PRDM5: variants seen among roughly 807,000 people sequenced by gnomAD.
The protein encoded by PRDM5 is PR/SET domain 5.
Under a neutral mutation model 81.2 loss-of-function variants are expected in PRDM5, and 56 were observed. That is an observed-to-expected ratio of 0.69 (90% CI 0.56 to 0.86). The LOEUF (loss-of-function observed/expected upper bound fraction) is 0.86. Among genes scored for constraint, PRDM5 ranks in the 40% least tolerant of loss-of-function variants. PRDM5 has a pLI of 0.00. For synonymous variants in PRDM5, 267 were observed against 256.4 expected (o/e 1.04, Z -0.39); for missense variants, 697 against 770.1 (o/e 0.91, Z 1.12).
chr4:120,921,720 T>G lies in PRDM5; in HGVS notation c.93+796A>C, dbSNP rs182211344. 3.2e-4 allele frequency among the ~76,000 whole-genome samples: 49 copies of G among 152,310 alleles called. No homozygotes were observed. In the East Asian group the frequency reaches 9.1e-3, roughly 28 times the overall value. On this transcript the variant is annotated intron_variant, in intron 1 of 15. Coordinates refer to ENST00000264808, the MANE Select transcript of PRDM5 (RefSeq NM_018699.4). ...AAGATCAAATCCAAAGAGCTGGACT[T>G]TTCCTGTGGCCTCTCTTCCTAGGCC...
chr4:120,909,714 G>T (rs1579210708), intron 1 of PRDM5, among the ~76,000 whole-genome samples: 2 of 150,710 alleles, frequency 1.3e-5, no homozygotes, highest in Non-Finnish European at 3.0e-5. Flanking sequence ...GGATCGGGGG[G>T]TGGGGGGTGC....
intron 8 of PRDM5, among the ~76,000 whole-genome samples, chr4:120,805,857 T>C (rs1752836261): frequency 6.6e-6 from 1 of 152,036 alleles, no homozygotes; most frequent in South Asian, 2.1e-4. Context: ...GCCAGGGCAA[T>C]CAGGCAGGAG....
At chr4:120,806,581 A>C (rs1752999675) in intron 8 of PRDM5, among the ~76,000 whole-genome samples, 1 of 152,236 alleles carries the variant, frequency 6.6e-6, no homozygotes, top group African/African-American at 2.4e-5. Flanking sequence ...CAAACCTGAC[A>C]AAGACAAGAA....
downstream of PRDM5, among the ~76,000 whole-genome samples, chr4:120,690,346 G>A (rs1733992456): frequency 6.6e-6 from 1 of 152,048 alleles, no homozygotes; most frequent in African/African-American, 2.4e-5. Context: ...TTCTCTTTGA[G>A]AAGGGCCTCC....
chr4:120,838,269 G>GA, intron 3 of PRDM5: 1 of 151,944 alleles, frequency 6.6e-6, no homozygotes, highest in South Asian at 2.1e-4. Context: ...TTTTTTTGGG[G>GA]AATAAGATAA....
chr4:120,789,376 G>A (rs1235393752), intron 10 of PRDM5, among the ~76,000 whole-genome samples: 1 of 152,048 alleles, frequency 6.6e-6, no homozygotes, highest in East Asian at 1.9e-4. Flanking sequence ...TGAAATTAAG[G>A]ACCATTTACA....
At chr4:120,831,040 A>T (rs1033511401) in intron 3 of PRDM5, among the ~76,000 whole-genome samples, 8 of 152,026 alleles carry the variant, frequency 5.3e-5, no homozygotes, top group African/African-American at 1.9e-4. Flanking sequence ...TTTTCTTGTG[A>T]TGTGAGCTTG....
chr4:120,762,932 ACTTTT>A (rs1745842669), intron 13 of PRDM5, among the ~76,000 whole-genome samples: 3 of 152,206 alleles, frequency 2.0e-5, no homozygotes, highest in Non-Finnish European at 4.4e-5. Flanking sequence ...GAGATCCTCT[ACTTTT>A]AAAAGCTTAA....
chr4:120,835,661 G>A (rs1458245748), intron 3 of PRDM5, among the ~76,000 whole-genome samples: 5 of 152,132 alleles, frequency 3.3e-5, no homozygotes, highest in Non-Finnish European at 7.4e-5. Flanking sequence ...TCATGATTGT[G>A]AGGCCTCCCC....
At chr4:120,786,670 C>CT (rs1561229514) in intron 10 of PRDM5, among the ~76,000 whole-genome samples, 1 of 152,080 alleles carries the variant, frequency 6.6e-6, no homozygotes, top group East Asian at 1.9e-4. Context: ...TTTTAAATAA[C>CT]TTTTGAGTCT....
chr4:120,820,124 T>A (rs905913043), intron 4 of PRDM5, among the ~76,000 whole-genome samples: 1 of 152,200 alleles, frequency 6.6e-6, no homozygotes, highest in Admixed American at 6.5e-5. Flanking sequence ...GAAACCGCAA[T>A]GGAATTGTAT....
At chr4:120,868,032 T>C (rs1389708171) in intron 2 of PRDM5, among the ~76,000 whole-genome samples, 1 of 152,214 alleles carries the variant, frequency 6.6e-6, no homozygotes, top group African/African-American at 2.4e-5. Context: ...TGAATATGCA[T>C]AATATTTTAC....
At chr4:120,735,873 G>T (rs1387539643) in intron 14 of PRDM5, among the ~76,000 whole-genome samples, 2 of 152,204 alleles carry the variant, frequency 1.3e-5, no homozygotes, top group East Asian at 3.9e-4. Context: ...TAAATGTATG[G>T]GGTACGAGTG....
intron 1 of PRDM5, among the ~76,000 whole-genome samples, chr4:120,921,045 T>C (rs1297492020): frequency 6.6e-6 from 1 of 152,234 alleles, no homozygotes; most frequent in Non-Finnish European, 1.5e-5. Context: ...AAGGATTATA[T>C]AATAATTCTA....
At chr4:120,839,033 T>C in intron 3 of PRDM5, 1 of 565,626 alleles carries the variant, frequency 1.8e-6, no homozygotes, top group South Asian at 2.3e-5. Flanking sequence ...GCAAGTAGCT[T>C]CCACAGCTGA....
chr4:120,903,823 T>C (rs1765464658), intron 2 of PRDM5, among the ~76,000 whole-genome samples: 1 of 152,216 alleles, frequency 6.6e-6, no homozygotes, highest in East Asian at 1.9e-4. Flanking sequence ...ATGTAAAACA[T>C]GCCTCTGCTT....
At chr4:120,774,113 C>T (rs1019036903) in intron 13 of PRDM5, among the ~76,000 whole-genome samples, 2 of 152,114 alleles carry the variant, frequency 1.3e-5, no homozygotes, top group Admixed American at 6.5e-5. Flanking sequence ...TTTCCAGAAT[C>T]CTCGATTATT....
At chr4:120,703,237 G>A (rs1388167549) in intron 15 of PRDM5, among the ~76,000 whole-genome samples, 1 of 152,092 alleles carries the variant, frequency 6.6e-6, no homozygotes, top group Non-Finnish European at 1.5e-5. Context: ...CCAGGCTGGA[G>A]TGCAGTGGTC....
intron 2 of PRDM5, among the ~76,000 whole-genome samples, chr4:120,854,598 T>C (rs532395096): frequency 6.6e-6 from 1 of 152,284 alleles, no homozygotes; most frequent in South Asian, 2.1e-4. Flanking sequence ...TATTGGGTCC[T>C]TAATGGCTGA....
Sources: allele counts gnomAD v4.1 joint callset (sites outside exome capture counted in the v4.1 genomes callset), GRCh38; gene constraint gnomAD v4.1.1; transcripts MANE v1.5; gene names NCBI Gene and HGNC (gene_info 2026-07-23, HGNC 2026-07-21).